PPP2R5C: variants seen among roughly 807,000 people sequenced by gnomAD.
The protein encoded by PPP2R5C is protein phosphatase 2 regulatory subunit B'gamma.
A neutral mutation model predicts 68.9 loss-of-function variants in PPP2R5C; 7 were observed. The ratio of observed to expected loss-of-function variants is 0.10; its 90% confidence interval spans 0.06 to 0.19. The LOEUF (loss-of-function observed/expected upper bound fraction) is 0.19. PPP2R5C is among the 10% of genes least tolerant of loss of function. The pLI, the probability that PPP2R5C is intolerant of heterozygous loss-of-function variation, is 1.00. For synonymous variants in PPP2R5C, 210 were observed against 222.2 expected, an observed-to-expected ratio of 0.95 and a Z score of 0.49; for missense variants, 348 against 641.3, an observed-to-expected ratio of 0.54 and a Z score of 4.94.
chr14:101,780,004 C>T (rs1278752889), intron 2 of PPP2R5C, among the ~76,000 whole-genome samples: 1 of 152,178 alleles, frequency 6.6e-6, no homozygotes, highest in Non-Finnish European at 1.5e-5. Context: ...CCTTGGCCAT[C>T]ATCCACTGCA....
At chr14:101,927,455 A>G (rs1192310113) in exon 14 of PPP2R5C, 1 of 152,626 alleles carries the variant, frequency 6.6e-6, no homozygotes, top group Non-Finnish European at 1.5e-5. Flanking sequence ...GAGACTGTTT[A>G]TTCTGTACCA....
chr14:101,828,676 C>CT (rs547728275), intron 1 of PPP2R5C, among the ~76,000 whole-genome samples: 10,840 of 131,040 alleles, frequency 0.083, 547 homozygotes, highest in Non-Finnish European at 0.1. Context: ...CACAGATACT[C>CT]TTTTTTTTTT....
intron 1 of PPP2R5C, among the ~76,000 whole-genome samples, chr14:101,841,235 T>C (rs2041450526): frequency 6.6e-6 from 1 of 152,186 alleles, no homozygotes; most frequent in Non-Finnish European, 1.5e-5. Flanking sequence ...CACCTTTGTT[T>C]TACTGCTGCT....
chr14:101,908,968 C>G (rs567899113), intron 10 of PPP2R5C, among the ~76,000 whole-genome samples: 51 of 152,300 alleles, frequency 3.3e-4, no homozygotes, highest in African/African-American at 1.2e-3. Flanking sequence ...TCGAGCAGGT[C>G]CTGCTGCGCA....
chr14:101,800,752 A>G (rs1317552125), intron 3 of PPP2R5C, among the ~76,000 whole-genome samples: 1 of 152,114 alleles, frequency 6.6e-6, no homozygotes, highest in Non-Finnish European at 1.5e-5. Flanking sequence ...TCAGTATATC[A>G]CAGGGGCACC....
intron 2 of PPP2R5C, among the ~76,000 whole-genome samples, chr14:101,779,682 C>T (rs982126010): frequency 1.3e-5 from 2 of 152,066 alleles, no homozygotes; most frequent in Non-Finnish European, 2.9e-5. Context: ...CCCCATGCTA[C>T]GGAGTTTGAA....
chr14:101,804,714 A>G (rs2039006966), intron 3 of PPP2R5C, among the ~76,000 whole-genome samples: 2 of 152,142 alleles, frequency 1.3e-5, no homozygotes, highest in Non-Finnish European at 2.9e-5. Context: ...GTTACCAGAG[A>G]CTGGGAAGGG....
At chr14:101,808,388 C>T (rs148572184), upstream of PPP2R5C, among the ~76,000 whole-genome samples, 10 of 152,274 alleles carry the variant, frequency 6.6e-5, no homozygotes, top group East Asian at 1.7e-3. Context: ...TGTTAGAAAT[C>T]ACATCATCTC....
At chr14:101,787,343 T>C (rs2038141139) in intron 3 of PPP2R5C, among the ~76,000 whole-genome samples, 1 of 152,036 alleles carries the variant, frequency 6.6e-6, no homozygotes, top group Non-Finnish European at 1.5e-5. Flanking sequence ...GTAAAGCAGA[T>C]AGCAGATTTG....
chr14:101,764,249 C>T (rs2036736303), intron 2 of PPP2R5C, among the ~76,000 whole-genome samples: 1 of 152,210 alleles, frequency 6.6e-6, no homozygotes, highest in Non-Finnish European at 1.5e-5. Flanking sequence ...GCACCTAGGG[C>T]CAAGGGTCCA....
upstream of PPP2R5C, among the ~76,000 whole-genome samples, chr14:101,806,707 C>A (rs1199655090): frequency 1.3e-5 from 2 of 152,296 alleles, no homozygotes; most frequent in Non-Finnish European, 2.9e-5. Context: ...TGCCTGCAAT[C>A]TCAGCACTTT....
At chr14:101,779,685 AG>A (rs1466400146) in intron 2 of PPP2R5C, among the ~76,000 whole-genome samples, 2 of 151,972 alleles carry the variant, frequency 1.3e-5, no homozygotes, top group African/African-American at 4.8e-5. Context: ...CATGCTACGG[AG>A]TTTGAACTTT....
At chr14:101,901,585 T>A in intron 8 of PPP2R5C, 134 bp from the exon 11 acceptor site, 1 of 822,046 alleles carries the variant, frequency 1.2e-6, no homozygotes, top group Non-Finnish European at 2.0e-6. Context: ...CACTGTTCCC[T>A]CTGTAAGGAA....
chr14:101,925,062 T>A (rs183302292), intron 13 of PPP2R5C, 79 bp from the exon 16 acceptor site: 2 of 1,542,258 alleles, frequency 1.3e-6, no homozygotes, highest in African/African-American at 2.7e-5. Flanking sequence ...GCGGTTATCC[T>A]TTGACTTCCA....
Position 101,888,041 on chromosome 14 carries a change from TA to T in PPP2R5C, c.630-2190del, listed in dbSNP as rs1295981660. ...TCTTCTGCCTACATCAAAGCAGGTT[TA>T]AAAAATTAGAAATTAAGAATTTATC... On this transcript the variant is annotated intron_variant, in intron 5 of 13. Coordinates refer to ENST00000334743, the Ensembl canonical transcript of PPP2R5C. The surrounding 1 kb of genome is among the most constrained non-coding windows in gnomAD (Gnocchi z 5.6). 3.9e-5 allele frequency among the ~76,000 whole-genome samples: 6 copies of T among 152,314 alleles called. No individual in the cohort carries two copies. The East Asian group carries it at 1.2e-3, about 29-fold the overall frequency.
chr14:101,866,898 G>A (rs183161047), intron 2 of PPP2R5C, among the ~76,000 whole-genome samples: 69 of 151,840 alleles, frequency 4.5e-4, no homozygotes, highest in African/African-American at 1.5e-3. Context: ...CCTGGGCAAC[G>A]TAGCAAGACC....
chr14:101,903,891 A>G (rs2045868902), intron 9 of PPP2R5C, among the ~76,000 whole-genome samples: 1 of 151,368 alleles, frequency 6.6e-6, no homozygotes, highest in Admixed American at 6.6e-5. Flanking sequence ...GGCCAGGCCG[A>G]TCTTCAACTC....
chr14:101,922,245 T>A, intron 13 of PPP2R5C: 1 of 954,164 alleles, frequency 1.0e-6, no homozygotes, highest in Non-Finnish European at 1.2e-6. Flanking sequence ...TCCCAGCACT[T>A]TGGGAGGCCG....
At chr14:101,849,856 C>A (rs1206710226) in intron 1 of PPP2R5C, among the ~76,000 whole-genome samples, 1 of 152,214 alleles carries the variant, frequency 6.6e-6, no homozygotes, top group African/African-American at 2.4e-5. Context: ...GCCTGTGTGA[C>A]AGCACAGAGC....
Sources: allele counts gnomAD v4.1 joint callset (sites outside exome capture counted in the v4.1 genomes callset), GRCh38; gene constraint gnomAD v4.1.1; non-coding constraint Gnocchi (gnomAD v3.1); transcripts MANE v1.5; gene names NCBI Gene and HGNC (gene_info 2026-07-23, HGNC 2026-07-21).